Variants in GRIK1 observed in about 807,000 individuals in gnomAD.
GRIK1 encodes glutamate receptor ionotropic, kainate 1.
In GRIK1, 69 loss-of-function variants were observed where a neutral mutation model predicts 105.7. The ratio of observed to expected loss-of-function variants is 0.65; its 90% CI spans 0.54 to 0.80. GRIK1 has a LOEUF of 0.80. Ranked by LOEUF, GRIK1 falls within the 30% of genes least tolerant of loss-of-function variation. GRIK1 has a pLI of 0.00. For missense variants in GRIK1, 1,109 were observed against 1,167.3 expected (o/e 0.95, Z 0.73); for synonymous variants, 438 against 431.3 (o/e 1.02, Z -0.19).
At chr21:29,590,788 C>A (rs981906195) in intron 10 of GRIK1, among the ~76,000 whole-genome samples, 1 of 152,168 alleles carries the variant, frequency 6.6e-6, no homozygotes, top group African/African-American at 2.4e-5. Context: ...CCTCTTCCCC[C>A]ACTTCCCTAG....
At chr21:29,846,990 A>G (rs572652289) in intron 1 of GRIK1, among the ~76,000 whole-genome samples, 1 of 152,334 alleles carries the variant, frequency 6.6e-6, no homozygotes, top group Admixed American at 6.5e-5. Context: ...ATGGCATAAA[A>G]TTGTGAACTT....
intron 15 of GRIK1, among the ~76,000 whole-genome samples, chr21:29,560,282 TCTTTCTTTCTTTCTTTCTTTCTTTCTTTC>T (rs1244626515): frequency 7.2e-5 from 3 of 41,834 alleles, no homozygotes; most frequent in Admixed American, 2.5e-4. Flanking sequence ...GATACAGTTT[TCTTTCTTTCTTTCTTTCTTTCTTTCTTTC>T]TTTCTTTCTT....
intron 16 of GRIK1, chr21:29,553,153 A>C: frequency 3.3e-6 from 3 of 911,272 alleles, no homozygotes; most frequent in Non-Finnish European, 3.9e-6. Flanking sequence ...GGGAGAAGAA[A>C]AGAGGAGGGA....
At chr21:29,803,267 T>G (rs1184697560) in intron 1 of GRIK1, among the ~76,000 whole-genome samples, 1 of 152,204 alleles carries the variant, frequency 6.6e-6, no homozygotes, top group Non-Finnish European at 1.5e-5. Flanking sequence ...AAAAAGCATT[T>G]TAATAAGTAA....
At position 29,761,865 on chromosome 21, in the gene GRIK1, G is replaced by A. The variant is rs1215999476; in HGVS notation, c.119-67802C>T. 4.0e-5 allele frequency among the ~76,000 whole-genome samples: 6 copies of A among 151,350 alleles called. No individual in the cohort carries two copies. The South Asian group carries it at 1.0e-3, about 26-fold the overall frequency. Reference sequence around the variant, plus strand: ...CAGGTTCAAGCAATTCTCTGCCTCAGCCTCCTGAGTAGCTGGGATTACAGG... The same window carrying A: ...CAGGTTCAAGCAATTCTCTGCCTCAACCTCCTGAGTAGCTGGGATTACAGG... On this transcript the variant is annotated intron_variant, in intron 1 of 17. Transcript: ENST00000327783.
chr21:29,723,874 C>T (rs1195587365), intron 1 of GRIK1, among the ~76,000 whole-genome samples: 2 of 152,096 alleles, frequency 1.3e-5, no homozygotes, highest in Admixed American at 6.6e-5. Context: ...ACTAACTGCC[C>T]TTTCTTTCTT....
Position 29,939,256 on chromosome 21 carries a change from C to T in GRIK1, c.118+127G>A, listed in dbSNP as rs181542906. On this transcript the variant is annotated intron_variant, in intron 1 of 17. Coordinates refer to ENST00000327783, the MANE Select transcript of GRIK1 (RefSeq NM_001330994.2). ...TTTTTTGTGTAGCCTCCCATGAGCA[C>T]TGACCTCCACCTTCCCCAGCTCCGG... 1,237 of 629,030 alleles carry T rather than the reference C, an allele frequency of 2.0e-3. 11 individuals are homozygous for T. In the African/African-American group the frequency reaches 0.021, roughly 11 times the overall value. 39.0% of individuals were successfully genotyped at this position (629,030 alleles called of 1,614,324 possible). A position where few individuals can be genotyped will look rare whatever the true frequency, so the allele number is the denominator to read the frequency against.
intron 1 of GRIK1, among the ~76,000 whole-genome samples, chr21:29,711,429 A>G (rs768093012): frequency 3.3e-5 from 5 of 152,024 alleles, no homozygotes; most frequent in Non-Finnish European, 7.4e-5. Flanking sequence ...CTAAGAATGC[A>G]TTTTTCCAGA....
intron 1 of GRIK1, among the ~76,000 whole-genome samples, chr21:29,701,461 C>T (rs775643655): frequency 6.6e-6 from 1 of 152,056 alleles, no homozygotes; most frequent in South Asian, 2.1e-4. Context: ...AGGCTGAAGT[C>T]GGGTGAGCTG....
chr21:29,917,960 CT>C (rs1485751652), intron 1 of GRIK1, among the ~76,000 whole-genome samples: 20 of 147,988 alleles, frequency 1.4e-4, no homozygotes, highest in African/African-American at 1.3e-4. Flanking sequence ...ATATGCCCCC[CT>C]GACTAAGAGA....
At chr21:29,729,242 T>C (rs2064548758) in intron 1 of GRIK1, among the ~76,000 whole-genome samples, 1 of 152,052 alleles carries the variant, frequency 6.6e-6, no homozygotes, top group Admixed American at 6.6e-5. Context: ...AGAAGGAAGT[T>C]TGGTGAATGG....
chr21:29,869,376 C>T (rs2068933641), intron 1 of GRIK1, among the ~76,000 whole-genome samples: 2 of 152,110 alleles, frequency 1.3e-5, no homozygotes, highest in Admixed American at 1.3e-4. Context: ...CTCATTTCTC[C>T]CCTTTATTCA....
At chr21:29,651,415 T>G (rs2062734787) in intron 5 of GRIK1, 124 bp from the exon 6 acceptor site, 1 of 674,126 alleles carries the variant, frequency 1.5e-6, no homozygotes, top group African/African-American at 1.9e-5. Context: ...GTTTTGTGGT[T>G]CATGGTTTCA....
At chr21:29,845,143 G>A (rs528851886) in intron 1 of GRIK1, among the ~76,000 whole-genome samples, 3 of 151,950 alleles carry the variant, frequency 2.0e-5, no homozygotes, top group African/African-American at 7.2e-5. Flanking sequence ...AACAATGGGT[G>A]CCTATCTAGA....
chr21:29,752,977 G>A (rs2065243020), intron 1 of GRIK1, among the ~76,000 whole-genome samples: 2 of 152,226 alleles, frequency 1.3e-5, no homozygotes, highest in South Asian at 4.1e-4. Flanking sequence ...TGATATGACA[G>A]GCTGCTCTAG....
intron 1 of GRIK1, among the ~76,000 whole-genome samples, chr21:29,765,560 A>G (rs1207101707): frequency 2.0e-5 from 3 of 152,110 alleles, no homozygotes; most frequent in South Asian, 2.1e-4. Context: ...TAAATTGGCT[A>G]TATAAGATGG....
chr21:29,602,266 A>G (rs1379416869), intron 7 of GRIK1, among the ~76,000 whole-genome samples: 1 of 152,240 alleles, frequency 6.6e-6, no homozygotes, highest in Non-Finnish European at 1.5e-5. Flanking sequence ...GGGCTATATA[A>G]AACATAAAAC....
chr21:29,602,869 G>T (rs1011746746), intron 7 of GRIK1, among the ~76,000 whole-genome samples: 1 of 152,124 alleles, frequency 6.6e-6, no homozygotes, highest in African/African-American at 2.4e-5. Context: ...GTGCATTATA[G>T]GGAGATCATT....
In GRIK1 at chr21:29,621,395, T is replaced by G. The variant is rs563750535; in HGVS notation, c.1098+21431A>C. Among the ~76,000 whole-genome samples the G allele has an allele frequency of 6.1e-5, 9 of 146,772 alleles. No individual in the cohort carries two copies. In the South Asian group the frequency reaches 1.1e-3, roughly 17 times the overall value. ...ATAAATATTCATTGGGCCTGAGGGG[T>G]GTGTGTGTGTGTGTGTGGGGAAGAC... On this transcript the variant is annotated intron_variant, in intron 7 of 17. Coordinates refer to ENST00000327783, the MANE Select transcript of GRIK1 (RefSeq NM_001330994.2).
Sources: allele counts gnomAD v4.1 joint callset (sites outside exome capture counted in the v4.1 genomes callset), GRCh38; gene constraint gnomAD v4.1.1; transcripts MANE v1.5; gene names NCBI Gene and HGNC (gene_info 2026-07-23, HGNC 2026-07-21).